Variants in NRXN3 observed in about 807,000 individuals in gnomAD.
The protein encoded by NRXN3 is neurexin 3.
A neutral mutation model predicts 137.6 loss-of-function variants in NRXN3; 32 were observed. The observed-to-expected ratio is 0.23, with a 90% CI of 0.18 to 0.31. The LOEUF is 0.31. Among genes scored for constraint, NRXN3 ranks in the 10% least tolerant of loss-of-function variants. The pLI, the probability that NRXN3 is intolerant of heterozygous loss-of-function variation, is 1.00. For missense variants in NRXN3, 1,574 were observed against 2,062.5 expected, an observed-to-expected ratio of 0.76 and a Z score of 4.59; for synonymous variants, 798 against 784.5, an observed-to-expected ratio of 1.02 and a Z score of -0.29.
chr14:78,363,448 C>T (rs1248644187), intron 4 of NRXN3, among the ~76,000 whole-genome samples: 4 of 152,164 alleles, frequency 2.6e-5, no homozygotes, highest in Non-Finnish European at 5.9e-5. Flanking sequence ...TCAGGTATAG[C>T]TGCTGTTTCA....
chr14:78,579,928 C>T (rs2096976332), intron 4 of NRXN3, among the ~76,000 whole-genome samples: 1 of 152,152 alleles, frequency 6.6e-6, no homozygotes, highest in African/African-American at 2.4e-5. Flanking sequence ...GTTTCCTCTT[C>T]TCGAAAATTA....
chr14:78,748,982 G>A (rs2098628153), intron 8 of NRXN3, among the ~76,000 whole-genome samples: 1 of 152,194 alleles, frequency 6.6e-6, no homozygotes, highest in East Asian at 1.9e-4. Context: ...ATAAAAGGCA[G>A]TGTGAGGCAT....
chr14:79,760,335 T>C (rs2099034050), intron 19 of NRXN3, among the ~76,000 whole-genome samples: 1 of 151,102 alleles, frequency 6.6e-6, no homozygotes, highest in Non-Finnish European at 1.5e-5. Flanking sequence ...CTAATACAAA[T>C]ATCAGTTATA....
chr14:79,038,369 G>T (rs993310074), intron 15 of NRXN3, among the ~76,000 whole-genome samples: 2 of 152,054 alleles, frequency 1.3e-5, no homozygotes, highest in Admixed American at 6.6e-5. Flanking sequence ...ATTTTTATGT[G>T]AAATTGGGGT....
intron 19 of NRXN3, among the ~76,000 whole-genome samples, chr14:79,764,115 A>ATATG: frequency 6.7e-6 from 1 of 149,298 alleles, no homozygotes; most frequent in East Asian, 2.0e-4. Context: ...GCTTTTTTAT[A>ATATG]TATGTAAATA....
intron 16 of NRXN3, among the ~76,000 whole-genome samples, chr14:79,636,863 C>T (rs1408341760): frequency 6.6e-6 from 1 of 152,196 alleles, no homozygotes; most frequent in African/African-American, 2.4e-5. Context: ...ACTTGAGAAC[C>T]TCTGCTCTGT....
At chr14:79,637,208 T>C (rs1487189282) in intron 16 of NRXN3, among the ~76,000 whole-genome samples, 1 of 152,198 alleles carries the variant, frequency 6.6e-6, no homozygotes, top group East Asian at 1.9e-4. Context: ...ACTTCATAGA[T>C]TGATGTAAAG....
chr14:79,004,733 G>A (rs1354335842), intron 15 of NRXN3, among the ~76,000 whole-genome samples: 1 of 152,150 alleles, frequency 6.6e-6, no homozygotes, highest in Non-Finnish European at 1.5e-5. Context: ...CATTGAGAGA[G>A]CATCTCTTGG....
intron 4 of NRXN3, among the ~76,000 whole-genome samples, chr14:78,340,904 T>C (rs1221712232): frequency 1.3e-5 from 2 of 152,182 alleles, no homozygotes; most frequent in Non-Finnish European, 2.9e-5. Context: ...TATACCTGCT[T>C]AGCCCAAATA....
intron 15 of NRXN3, among the ~76,000 whole-genome samples, chr14:79,090,247 C>T (rs2048911006): frequency 6.6e-6 from 1 of 152,088 alleles, no homozygotes; most frequent in Admixed American, 6.6e-5. Context: ...CATTGCTTCC[C>T]AGTTAATATA....
At chr14:79,341,624 A>G (rs1372046143) in intron 15 of NRXN3, among the ~76,000 whole-genome samples, 1 of 152,224 alleles carries the variant, frequency 6.6e-6, no homozygotes, top group African/African-American at 2.4e-5. Flanking sequence ...ATCTAAAACC[A>G]TGTGAACTCC....
chr14:78,978,147 AC>A (rs2099475549), intron 14 of NRXN3, among the ~76,000 whole-genome samples: 1 of 152,136 alleles, frequency 6.6e-6, no homozygotes, highest in African/African-American at 2.4e-5. Flanking sequence ...TAATCATGTG[AC>A]CTTTTTAAAA....
At position 79,852,234 on chromosome 14, in the gene NRXN3, AACACACACACACACACACAC is replaced by A. The variant is rs45581833; in HGVS notation, c.4094-9081_4094-9062del. Among the ~76,000 whole-genome samples the A allele has an allele frequency of 6.4e-3, 822 of 128,262 alleles. 4 individuals are homozygous for A. Among genetic ancestry groups the A allele is most frequent in the Middle Eastern group, 0.013 (3 of 226 alleles). 84.1% of individuals were successfully genotyped at this position (128,262 alleles called of 152,430 possible). ...CAATACAGGTTCTAGTTCAACTCCC[AACACACACACACACACACAC>A]ACACACACACACACACACACACACA... On this transcript the variant is annotated intron_variant, in intron 20 of 20. Coordinates refer to ENST00000335750, the MANE Select transcript of NRXN3 (RefSeq NM_001330195.2).
In NRXN3 at chr14:79,386,630, GC is replaced by G. The variant is rs934772820; in HGVS notation, c.3263-80588del. On this transcript the variant is annotated intron_variant, in intron 15 of 20. Coordinates refer to ENST00000335750, the MANE Select transcript of NRXN3 (RefSeq NM_001330195.2). ...AAAGTTCATATGGAACCAAAAAGGA[GC>G]CCACATTGCCAAGTCCATCCTAAGC... is the stretch of plus-strand genomic sequence containing the variant. 8.9e-4 allele frequency among the ~76,000 whole-genome samples: 135 copies of G among 152,276 alleles called. 1 individual carries two copies. Among genetic ancestry groups the G allele is most frequent in the African/African-American group, 3.1e-3 (127 of 41,552 alleles).
At chr14:78,760,744 T>TCA (rs2098689611) in intron 8 of NRXN3, among the ~76,000 whole-genome samples, 1 of 152,020 alleles carries the variant, frequency 6.6e-6, no homozygotes, top group Non-Finnish European at 1.5e-5. Context: ...TGTAATTACT[T>TCA]CATAGTGGAT....
At chr14:79,337,001 T>A (rs1458203632) in intron 15 of NRXN3, among the ~76,000 whole-genome samples, 1 of 152,184 alleles carries the variant, frequency 6.6e-6, no homozygotes, top group African/African-American at 2.4e-5. Context: ...CTTGGGAAAA[T>A]ATGCTGCCGT....
chr14:78,439,814 T>A (rs1018412388), intron 4 of NRXN3, among the ~76,000 whole-genome samples: 1 of 152,160 alleles, frequency 6.6e-6, no homozygotes, highest in Non-Finnish European at 1.5e-5. Flanking sequence ...CTGTTCTGCT[T>A]CCCAGGAAGC....
intron 20 of NRXN3, among the ~76,000 whole-genome samples, chr14:79,810,330 C>T (rs2099227362): frequency 6.6e-6 from 1 of 152,124 alleles, no homozygotes; most frequent in Non-Finnish European, 1.5e-5. Context: ...CTTCACTTTT[C>T]TTAAATGTCC....
In NRXN3 at chr14:79,861,294, C is replaced by T; in HGVS notation, c.4094-48C>T. The T allele has an allele frequency of 6.5e-7, 1 of 1,536,060 alleles. No homozygotes were observed. Among genetic ancestry groups the T allele is most frequent in the Non-Finnish European group, 8.7e-7 (1 of 1,146,916 alleles). ...GGGGAAACCTTTGACTCTAACCTGC[C>T]CCCTACTGATGATGAAGATTTTTAC... On this transcript the variant is annotated intron_variant, in intron 20 of 20. Transcript: ENST00000335750. This position sits in a 1 kb window ranked among gnomAD's most constrained non-coding sequence, Gnocchi z 5.4.
Sources: allele counts gnomAD v4.1 joint callset (sites outside exome capture counted in the v4.1 genomes callset), GRCh38; gene constraint gnomAD v4.1.1; non-coding constraint Gnocchi (gnomAD v3.1); transcripts MANE v1.5; gene names NCBI Gene and HGNC (gene_info 2026-07-23, HGNC 2026-07-21).